The following KIAA1217 variants were observed in gnomAD, a reference collection of about 807,000 sequenced individuals.
KIAA1217 encodes sickle tail protein homolog.
A neutral mutation model predicts 163.9 loss-of-function variants in KIAA1217; 88 were observed. The observed-to-expected ratio is 0.54, with a 90% confidence interval of 0.45 to 0.64. The LOEUF is 0.64. Ranked by LOEUF, KIAA1217 falls within the 30% of genes least tolerant of loss-of-function variation. KIAA1217 has a pLI of 0.00. For synonymous variants in KIAA1217, 903 were observed against 923.1 expected, an observed-to-expected ratio of 0.98 and a Z score of 0.39; for missense variants, 2,372 against 2,475.0, an observed-to-expected ratio of 0.96 and a Z score of 0.88.
chr10:24,066,822 C>T (rs1483131138), intron 2 of KIAA1217, among the ~76,000 whole-genome samples: 1 of 152,192 alleles, frequency 6.6e-6, no homozygotes, highest in Non-Finnish European at 1.5e-5. Context: ...TCCCATATTT[C>T]TTGGAGGCTT....
intron 1 of KIAA1217, among the ~76,000 whole-genome samples, chr10:23,974,694 C>A (rs1341161955): frequency 1.3e-5 from 2 of 152,082 alleles, no homozygotes; most frequent in Non-Finnish European, 2.9e-5. Flanking sequence ...GCCTGCTCAG[C>A]TCATATTATA....
intron 1 of KIAA1217, among the ~76,000 whole-genome samples, chr10:23,922,841 C>T (rs1030127812): frequency 2.6e-5 from 4 of 152,106 alleles, no homozygotes; most frequent in African/African-American, 9.7e-5. Flanking sequence ...CTATCCAGAA[C>T]TAGGCACACC....
At chr10:24,049,003 C>T (rs1325339194) in intron 2 of KIAA1217, among the ~76,000 whole-genome samples, 1 of 138,440 alleles carries the variant, frequency 7.2e-6, no homozygotes, top group Non-Finnish European at 1.5e-5. Flanking sequence ...TGCACTCCAG[C>T]CTGGGCGACA....
intron 3 of KIAA1217, among the ~76,000 whole-genome samples, chr10:24,416,687 G>A (rs553726290): frequency 6.6e-6 from 1 of 152,240 alleles, no homozygotes; most frequent in East Asian, 1.9e-4. Context: ...TGGATCATGT[G>A]ATCAGGAAGG....
intron 1 of KIAA1217, among the ~76,000 whole-genome samples, chr10:23,878,506 C>T (rs951746391): frequency 6.6e-6 from 1 of 151,860 alleles, no homozygotes. Context: ...GGGAAGCCCT[C>T]TTGAGCCTGT....
At chr10:24,014,545 A>C (rs1847387869) in intron 2 of KIAA1217, among the ~76,000 whole-genome samples, 1 of 152,158 alleles carries the variant, frequency 6.6e-6, no homozygotes, top group Non-Finnish European at 1.5e-5. Flanking sequence ...GCATACAAGG[A>C]CCCAAAGCAG....
rs557511845 is a variant in KIAA1217, at chr10:24,183,160, T to C, written c.-170-36466T>C. On this transcript the variant is annotated intron_variant, in intron 2 of 18. Transcript: ENST00000376462. ...CACCTTTGACCTTCTCTACCATGTA[T>C]GATGCAGCACAATAGCCCTCACCGG... is the stretch of plus-strand genomic sequence containing the variant. 1.3e-5 allele frequency among the ~76,000 whole-genome samples: 2 copies of C among 152,340 alleles called. 1 individual carries two copies. The highest frequency in any genetic ancestry group is 4.1e-4 in the South Asian group (2 of 4,822).
At chr10:24,267,040 A>G (rs1010961277) in intron 2 of KIAA1217, among the ~76,000 whole-genome samples, 3 of 152,212 alleles carry the variant, frequency 2.0e-5, no homozygotes, top group African/African-American at 7.2e-5. Flanking sequence ...CTATGGCTAG[A>G]TGGCAGGAAT....
chr10:24,104,621 C>T (rs1014962735), intron 2 of KIAA1217, among the ~76,000 whole-genome samples: 1 of 152,184 alleles, frequency 6.6e-6, no homozygotes, highest in Non-Finnish European at 1.5e-5. Context: ...TCAAAACCTA[C>T]AGCATGTACC....
In KIAA1217 at chr10:24,020,837, TAAAAC is replaced by T. The variant is rs553820133; in HGVS notation, c.-171+13486_-171+13490del. On this transcript the variant is annotated intron_variant, in intron 2 of 18. Coordinates refer to the KIAA1217 transcript ENST00000376462. The stretch of plus-strand genomic sequence containing the variant: ...TACAGATTAATTCCTAGCAAGTTCC[TAAAAC>T]AAAACAAAACAAAACAAAACAACAA... Among the ~76,000 whole-genome samples, 179 of 151,992 alleles carry T rather than the reference TAAAAC, an allele frequency of 1.2e-3. 1 individual carries two copies. In the Middle Eastern group the frequency reaches 0.024, roughly 20 times the overall value.
chr10:23,823,926 AG>A (rs1311778582), intron 1 of KIAA1217, among the ~76,000 whole-genome samples: 1 of 150,478 alleles, frequency 6.6e-6, no homozygotes, highest in East Asian at 2.0e-4. Flanking sequence ...GGAAGAAGAG[AG>A]GGGGGGAAAG....
chr10:24,491,788 T>G (rs554927785), intron 6 of KIAA1217, among the ~76,000 whole-genome samples: 1 of 152,246 alleles, frequency 6.6e-6, no homozygotes, highest in South Asian at 2.1e-4. Flanking sequence ...GAGACCTACC[T>G]ATTTCTTGCA....
intron 2 of KIAA1217, among the ~76,000 whole-genome samples, chr10:24,304,129 ATTT>A (rs5783885): frequency 5.8e-5 from 8 of 136,916 alleles, no homozygotes; most frequent in Admixed American, 7.3e-5. Flanking sequence ...AATCCTCCAC[ATTT>A]TTTTTTTTTT....
At chr10:24,113,557 G>T (rs922045978) in intron 2 of KIAA1217, among the ~76,000 whole-genome samples, 2 of 152,118 alleles carry the variant, frequency 1.3e-5, no homozygotes, top group South Asian at 2.1e-4. Context: ...AATTTTGCTC[G>T]CAAAATCACT....
In KIAA1217 at chr10:23,852,091, C is replaced by T. The variant is rs997312470; in HGVS notation, c.-320-155134C>T. 8.5e-5 allele frequency among the ~76,000 whole-genome samples: 13 copies of T among 152,080 alleles called. No individual in the cohort carries two copies. The South Asian group carries it at 1.2e-3, about 15-fold the overall frequency. ...GTTTTAGACATGAAGTCCTTGCCCACGCCTATGTCCTGAATGGTAATGCCT... is the reference window on the plus strand; with the variant it reads ...GTTTTAGACATGAAGTCCTTGCCCATGCCTATGTCCTGAATGGTAATGCCT... On this transcript the variant is annotated intron_variant, in intron 1 of 18. Coordinates refer to the KIAA1217 transcript ENST00000376462.
At chr10:24,119,610 T>C (rs1001766764) in intron 2 of KIAA1217, among the ~76,000 whole-genome samples, 16 of 152,272 alleles carry the variant, frequency 1.1e-4, no homozygotes, top group African/African-American at 2.9e-4. Context: ...GATCTAGCTG[T>C]ATGTGGTTAA....
intron 2 of KIAA1217, among the ~76,000 whole-genome samples, chr10:24,356,200 T>G (rs921484465): frequency 6.6e-6 from 1 of 152,252 alleles, no homozygotes; most frequent in African/African-American, 2.4e-5. Context: ...TTGCTTCATT[T>G]GTGCTTCCTG....
intron 1 of KIAA1217, among the ~76,000 whole-genome samples, chr10:23,937,369 C>A (rs554323197): frequency 6.6e-6 from 1 of 152,238 alleles, no homozygotes; most frequent in Admixed American, 6.5e-5. Context: ...GCACACTGAC[C>A]ACCCAGCCTT....
rs182405622 is a variant in KIAA1217, at chr10:24,031,258, G to A, written c.-171+23884G>A. On this transcript the variant is annotated intron_variant, in intron 2 of 18. Coordinates refer to the KIAA1217 transcript ENST00000376462. The stretch of plus-strand genomic sequence containing the variant: ...TCTCATGAATGTAGAGCCTCATTGT[G>A]CTTTTGAGTTGCATTTCTCTAATGA... Among the ~76,000 whole-genome samples, 156 of 151,912 alleles carry A rather than the reference G, an allele frequency of 1.0e-3. 1 individual carries two copies. The highest frequency in any genetic ancestry group is 3.5e-3 in the African/African-American group (146 of 41,388).
Sources: gnomAD v4.1 joint callset for allele counts (sites outside exome capture counted in the v4.1 genomes callset) on GRCh38, gnomAD v4.1.1 for gene constraint, MANE v1.5 for transcripts, NCBI Gene and HGNC (gene_info 2026-07-23, HGNC 2026-07-21) for gene names.